Variants in PDE7B observed in about 807,000 individuals in gnomAD.
The protein encoded by PDE7B is phosphodiesterase 7B.
In PDE7B, 29 loss-of-function variants were observed where a neutral mutation model predicts 56.2. That is an observed-to-expected ratio of 0.52 (90% CI 0.38 to 0.70). The LOEUF (loss-of-function observed/expected upper bound fraction) is 0.70, where lower values mean the gene tolerates loss of function less well. Among genes scored for constraint, PDE7B ranks in the 30% least tolerant of loss-of-function variants. The pLI is 0.00. For missense variants in PDE7B, 490 were observed against 565.0 expected (o/e 0.87, Z 1.35); for synonymous variants, 197 against 196.9 (o/e 1.00, Z 0.00).
At chr6:136,191,557 G>C in intron 12 of PDE7B, 57 bp from the exon 13 acceptor site, 2 of 1,404,916 alleles carry the variant, frequency 1.4e-6, no homozygotes, top group Non-Finnish European at 2.0e-6. Context: ...GCTCGGGAGG[G>C]AGTAAGGAGC....
intron 11 of PDE7B, among the ~76,000 whole-genome samples, chr6:136,185,815 C>T (rs190172231): frequency 9.2e-5 from 14 of 152,168 alleles, no homozygotes; most frequent in East Asian, 5.8e-4. Flanking sequence ...ATGCTTAGAA[C>T]GTGCCTGGCA....
At position 135,975,174 on chromosome 6, in the gene PDE7B, C is replaced by A. The variant is rs536426759; in HGVS notation, c.82+27650C>A. Among the ~76,000 whole-genome samples, 92 of 143,474 alleles carry A rather than the reference C, an allele frequency of 6.4e-4. 1 individual carries two copies. The highest frequency in any genetic ancestry group is 2.1e-3 in the African/African-American group (83 of 39,956). 94.1% of individuals were successfully genotyped at this position (143,474 alleles called of 152,430 possible). ...TTTTGTTTTTTGTTTTTCAAGAAAA[C>A]CTGGAAATTCAGATGTCTGTGTAAA... On this transcript the variant is annotated intron_variant, in intron 2 of 12. Transcript: ENST00000308191.
chr6:136,067,448 C>A (rs1776961544), intron 2 of PDE7B, among the ~76,000 whole-genome samples: 1 of 152,080 alleles, frequency 6.6e-6, no homozygotes, highest in Non-Finnish European at 1.5e-5. Flanking sequence ...ACCCAAAGCC[C>A]AGTGTAAATA....
At chr6:136,079,073 A>C (rs1444719460) in intron 2 of PDE7B, among the ~76,000 whole-genome samples, 1 of 152,154 alleles carries the variant, frequency 6.6e-6, no homozygotes, top group Non-Finnish European at 1.5e-5. Flanking sequence ...CATTCCCAAT[A>C]ATCCATTCTA....
chr6:136,173,540 G>C (rs912238045), intron 8 of PDE7B, among the ~76,000 whole-genome samples: 1 of 152,188 alleles, frequency 6.6e-6, no homozygotes, highest in Non-Finnish European at 1.5e-5. Context: ...AGGAGTGAAT[G>C]ATGCTGGAAA....
intron 3 of PDE7B, among the ~76,000 whole-genome samples, chr6:136,109,773 T>C (rs1777711833): frequency 1.3e-5 from 2 of 152,204 alleles, no homozygotes; most frequent in South Asian, 4.1e-4. Flanking sequence ...ATTTCATGCC[T>C]TATAACGATC....
At chr6:136,018,001 G>A (rs1374168449) in intron 2 of PDE7B, among the ~76,000 whole-genome samples, 1 of 152,108 alleles carries the variant, frequency 6.6e-6, no homozygotes, top group African/African-American at 2.4e-5. Context: ...CATAGCCCTG[G>A]GAAGTTGGGG....
chr6:135,907,452 C>A lies in PDE7B; in HGVS notation c.22-40012C>A, dbSNP rs189301962. On this transcript the variant is annotated intron_variant, in intron 1 of 12. Coordinates refer to ENST00000308191, the MANE Select transcript of PDE7B (RefSeq NM_018945.4). ...GTTTCTGCTTGCTTTGGTTGCTCAGCGGTGCTTTTAGTCAATTATTTGTTT... is the reference window on the plus strand; with the variant it reads ...GTTTCTGCTTGCTTTGGTTGCTCAGAGGTGCTTTTAGTCAATTATTTGTTT... Among the ~76,000 whole-genome samples, 20 of 152,116 alleles carry A rather than the reference C, an allele frequency of 1.3e-4. No homozygotes were observed. In the East Asian group the frequency reaches 3.5e-3, roughly 26 times the overall value.
rs531004702 is a variant in PDE7B at position 136,077,822 on chromosome 6, A to G, written c.83-30909A>G. ...TAGTTTCTTTTGTTGTTTATGGAAA[A>G]GCTGAGCAACTTGGTAACGAATGTG... is the stretch of plus-strand genomic sequence containing the variant. On this transcript the variant is annotated intron_variant, in intron 2 of 12. Coordinates refer to ENST00000308191, the MANE Select transcript of PDE7B (RefSeq NM_018945.4). Among the ~76,000 whole-genome samples, 5 of 152,302 alleles carry G rather than the reference A, an allele frequency of 3.3e-5. No homozygotes were observed. In the Middle Eastern group the frequency reaches 0.014, roughly 414 times the overall value.
intron 1 of PDE7B, among the ~76,000 whole-genome samples, chr6:135,877,615 C>A (rs1008030740): frequency 4.6e-5 from 7 of 152,046 alleles, no homozygotes; most frequent in African/African-American, 1.4e-4. Context: ...GACAATAAAA[C>A]CCTAACCCTA....
rs41288041 is a variant in PDE7B at position 136,191,852 on chromosome 6, A to G, written c.*12A>G. The G allele has an allele frequency of 0.029, 45,237 of 1,541,742 alleles. 3,300 individuals carry two copies. Among genetic ancestry groups the G allele is most frequent in the African/African-American group, 0.28 (20,382 of 72,928 alleles). On this transcript the variant is annotated 3_prime_UTR_variant, in exon 13 of 13. Transcript: ENST00000308191. ...GCGACAGCCCCTAGGGGCCGGCCCA[A>G]CTTAGACGCGGCTCTCCTCCGGCAG...
intron 8 of PDE7B, among the ~76,000 whole-genome samples, chr6:136,163,268 T>G (rs912583735): frequency 6.6e-6 from 1 of 152,262 alleles, no homozygotes; most frequent in Non-Finnish European, 1.5e-5. Context: ...ACCTCAATTC[T>G]TGACTTCTGT....
intron 1 of PDE7B, among the ~76,000 whole-genome samples, chr6:135,855,788 A>G (rs1219560030): frequency 6.6e-6 from 1 of 152,162 alleles, no homozygotes; most frequent in African/African-American, 2.4e-5. Context: ...CATCTGATAC[A>G]AGCCAACAAG....
intron 2 of PDE7B, among the ~76,000 whole-genome samples, chr6:135,951,448 A>G (rs1230622109): frequency 6.6e-6 from 1 of 152,196 alleles, no homozygotes; most frequent in South Asian, 2.1e-4. Context: ...CAAAAGCATA[A>G]TGAAAACTGT....
intron 1 of PDE7B, among the ~76,000 whole-genome samples, chr6:135,945,717 G>C (rs1774585859): frequency 6.6e-6 from 1 of 152,148 alleles, no homozygotes; most frequent in Non-Finnish European, 1.5e-5. Flanking sequence ...AACTGTAAAA[G>C]AAAGAGGAAA....
chr6:135,928,465 T>TTTATATATATATATTTATTTATATATATA (rs1774231483), intron 1 of PDE7B, among the ~76,000 whole-genome samples: 4 of 75,562 alleles, frequency 5.3e-5, no homozygotes, highest in African/African-American at 2.2e-4. Flanking sequence ...ATATATATAT[T>TTTATATATATATATTTATTTATATATATA]TATTTATATA....
chr6:135,891,768 A>G (rs1385393749), intron 1 of PDE7B, among the ~76,000 whole-genome samples: 3 of 152,200 alleles, frequency 2.0e-5, no homozygotes, highest in Admixed American at 1.3e-4. Context: ...CCTTGTCATT[A>G]TGTATCTACT....
At chr6:135,999,157 A>T (rs1775622956) in intron 2 of PDE7B, among the ~76,000 whole-genome samples, 2 of 152,238 alleles carry the variant, frequency 1.3e-5, no homozygotes, top group Admixed American at 1.3e-4. Flanking sequence ...AAGGACATAG[A>T]TATTGTATAT....
At chr6:136,158,341 G>A (rs1468005234) in intron 8 of PDE7B, among the ~76,000 whole-genome samples, 1 of 152,018 alleles carries the variant, frequency 6.6e-6, no homozygotes, top group Non-Finnish European at 1.5e-5. Flanking sequence ...GGTAATGAAT[G>A]AAAAAAATAT....
Sources: gnomAD v4.1 joint callset for allele counts (sites outside exome capture counted in the v4.1 genomes callset) on GRCh38, gnomAD v4.1.1 for gene constraint, MANE v1.5 for transcripts, NCBI Gene and HGNC (gene_info 2026-07-23, HGNC 2026-07-21) for gene names.